OR2T12: variants seen among roughly 807,000 people sequenced by gnomAD.
OR2T12 encodes the protein olfactory receptor family 2 subfamily T member 12, also known as olfactory receptor 2T12.
For synonymous variants in OR2T12, 127 were observed against 160.5 expected, an observed-to-expected ratio of 0.79 and a Z score of 1.58; for missense variants, 335 against 404.3, an observed-to-expected ratio of 0.83 and a Z score of 1.47.
chr1:248,301,756 T>A (rs752050179), intron 1 of OR2T12, among the ~76,000 whole-genome samples: 1 of 152,154 alleles, frequency 6.6e-6, no homozygotes, highest in Non-Finnish European at 1.5e-5. Context: ...TGTAAAAAGA[T>A]GGTGCATACG....
rs1256613156 is a variant in OR2T12, at chr1:248,293,114, A to G, written c.*1502T>C. 6.6e-6 allele frequency: 1 copy of G among 152,148 alleles called. No individual in the cohort carries two copies. The highest frequency in any genetic ancestry group is 1.9e-4 in the East Asian group (1 of 5,192). The allele number at this position is 152,148 out of a possible 1,614,324, so 9.4% of individuals were successfully genotyped here. On this transcript the variant is annotated 3_prime_UTR_variant, in exon 3 of 3. Transcript: ENST00000641276. ...TCTCCTGTCATCCTCAAGTCTTCCA[A>G]GGAGACAAGAGTTTACTGAATAGCC...
chr1:248,295,771 T>C (rs1659716453), intron 2 of OR2T12, among the ~76,000 whole-genome samples, 185 bp from the exon 3 acceptor site: 1 of 152,138 alleles, frequency 6.6e-6, no homozygotes, highest in South Asian at 2.1e-4. Flanking sequence ...TAGCTCAACT[T>C]TTTAATGTTC....
chr1:248,298,430 A>C (rs1200007480), intron 2 of OR2T12, among the ~76,000 whole-genome samples: 4 of 152,112 alleles, frequency 2.6e-5, no homozygotes, highest in East Asian at 1.9e-4. Context: ...GGAATGGTAC[A>C]AGTTCCTCCT....
At chr1:248,302,228 A>T (rs1186460092) in intron 1 of OR2T12, among the ~76,000 whole-genome samples, 1 of 152,130 alleles carries the variant, frequency 6.6e-6, no homozygotes, top group Non-Finnish European at 1.5e-5. Flanking sequence ...TTTATTTGTA[A>T]TAATAAAATG....
intron 1 of OR2T12, 131 bp downstream of exon 1, chr1:248,303,215 G>T (rs902419037): frequency 6.6e-6 from 1 of 152,108 alleles, no homozygotes; most frequent in East Asian, 1.9e-4. Flanking sequence ...ATATTGTACA[G>T]ATAAAATAGA....
intron 2 of OR2T12, among the ~76,000 whole-genome samples, chr1:248,298,385 T>G (rs1348579640): frequency 2.0e-5 from 3 of 152,200 alleles, no homozygotes; most frequent in African/African-American, 7.2e-5. Context: ...TAGGGAGGAT[T>G]CCCTCTTTTT....
intron 2 of OR2T12, among the ~76,000 whole-genome samples, chr1:248,299,127 C>A (rs1031003358): frequency 6.6e-6 from 1 of 152,162 alleles, no homozygotes; most frequent in Admixed American, 6.5e-5. Flanking sequence ...ACTGCATCAA[C>A]TAACGAGCAA....
rs574717988 is a variant in OR2T12, at chr1:248,290,183, G to T, written c.*4433C>A. ...GTATTCTCATTGTTCATGAACAGAG[G>T]CCTCATAAACAGAAAAGAGGCCTCA... On this transcript the variant is annotated 3_prime_UTR_variant, in exon 3 of 3. Transcript: ENST00000641276. 10 of 152,008 alleles carry T rather than the reference G, an allele frequency of 6.6e-5. 1 individual carries two copies. Among genetic ancestry groups the T allele is most frequent in the Admixed American group, 6.6e-4 (10 of 15,234 alleles). The allele number at this position is 152,008 out of a possible 1,614,324, so 9.4% of individuals were successfully genotyped here. A position where few individuals can be genotyped will look rare whatever the true frequency, so the allele number is the denominator to read the frequency against.
chr1:248,295,890 C>CA (rs1330080468), intron 2 of OR2T12, among the ~76,000 whole-genome samples: 1 of 151,848 alleles, frequency 6.6e-6, no homozygotes, highest in African/African-American at 2.4e-5. Context: ...TTTTAGGGTA[C>CA]ATGTGCACAA....
At position 248,300,854 on chromosome 1, in the gene OR2T12, T is replaced by A. The variant is rs141907909; in HGVS notation, c.-9+519A>T. 9.7e-4 allele frequency among the ~76,000 whole-genome samples: 147 copies of A among 152,220 alleles called. 3 individuals are homozygous for A. In the East Asian group the frequency reaches 0.025, roughly 26 times the overall value. ...GCTTCTTTTTCAGTTGGCAAAGTGT[T>A]CTTTACATTTGGGAAACACTACTTC... On this transcript the variant is annotated intron_variant, in intron 2 of 2. Transcript: ENST00000641276.
intron 2 of OR2T12, among the ~76,000 whole-genome samples, chr1:248,296,806 C>A (rs1168162115): frequency 6.6e-6 from 1 of 152,014 alleles, no homozygotes; most frequent in African/African-American, 2.4e-5. Context: ...TTGTGGGTTG[C>A]CTGTCACTCT....
Position 248,295,541 on chromosome 1 carries a change from A to C in OR2T12, c.38T>G (p.Leu13Arg), listed in dbSNP as rs1659711489. The C allele has an allele frequency of 3.1e-6, 5 of 1,606,024 alleles. No individual in the cohort carries two copies. The highest frequency in any genetic ancestry group is 1.7e-4 in the Middle Eastern group (1 of 6,018). ...MRNTTPDFIL[L>R]GLFNHTRAHQ... is the part of the protein sequence containing the mutation. ...GGCTCTGGTGTGGTTAAAGAGTCCT[A>C]GGAGAATAAAATCTGGGGTAGTATT... Residue 13 changes from leucine to arginine, a missense_variant, in exon 3 of 3, where the codon CTA (leucine) becomes CGA (arginine). Leu to Arg is a moderately radical substitution (Grantham distance 102, BLOSUM62 -2). Coordinates refer to ENST00000641276, the MANE Select transcript of OR2T12 (RefSeq NM_001004692.2).
At chr1:248,300,184 A>T (rs1659795064) in intron 2 of OR2T12, among the ~76,000 whole-genome samples, 1 of 152,208 alleles carries the variant, frequency 6.6e-6, no homozygotes, top group South Asian at 2.1e-4. Flanking sequence ...CAAAGCAAAC[A>T]GATAGTTCCT....
Position 248,294,801 on chromosome 1 carries a change from G to A in OR2T12, c.778C>T (p.Pro260Ser), listed in dbSNP as rs914252411. 6.2e-7 allele frequency: 1 copy of A among 1,613,798 alleles called. No homozygotes were observed. The highest frequency in any genetic ancestry group is 8.5e-7 in the Non-Finnish European group (1 of 1,179,874). Residue 260 changes from proline (P) to serine (S), a missense_variant, in exon 3 of 3, where the codon CCC becomes TCC. Coordinates refer to ENST00000641276, the MANE Select transcript of OR2T12 (RefSeq NM_001004692.2). ...YGAGIFTYMR[P>S]KSHRSTNHDK... Reference sequence around the variant, plus strand: ...TGGTTAGTGGACCTGTGGGATTTGGGTCTCATATAGGTAAAAATGCCAGCT... The same window carrying A: ...TGGTTAGTGGACCTGTGGGATTTGGATCTCATATAGGTAAAAATGCCAGCT...
chr1:248,298,283 G>C (rs1042846302), intron 2 of OR2T12, among the ~76,000 whole-genome samples: 2 of 152,140 alleles, frequency 1.3e-5, no homozygotes, highest in Admixed American at 1.3e-4. Flanking sequence ...TTGCATCAAT[G>C]TTCATCAAGG....
rs1441478560 is a variant in OR2T12 at position 248,290,743 on chromosome 1, T to A, written c.*3873A>T. On this transcript the variant is annotated 3_prime_UTR_variant, in exon 3 of 3. Coordinates refer to ENST00000641276, the MANE Select transcript of OR2T12 (RefSeq NM_001004692.2). ...GCGTCTGTTGTTTCCTGACTTTTTT[T>A]ACTTTATTTTATTATACTTTAAGTT... The A allele has an allele frequency of 6.6e-6, 1 of 152,060 alleles. No individual in the cohort carries two copies. Among genetic ancestry groups the A allele is most frequent in the Non-Finnish European group, 1.5e-5 (1 of 67,976 alleles). 9.4% of individuals were successfully genotyped at this position (152,060 alleles called of 1,614,324 possible).
intron 2 of OR2T12, among the ~76,000 whole-genome samples, chr1:248,299,213 A>G (rs1558278522): frequency 6.6e-6 from 1 of 152,210 alleles, no homozygotes; most frequent in Admixed American, 6.5e-5. Context: ...AATGGGCTAA[A>G]TGCTCCAATT....
At chr1:248,296,921 C>G (rs1345502926) in intron 2 of OR2T12, among the ~76,000 whole-genome samples, 1 of 152,156 alleles carries the variant, frequency 6.6e-6, no homozygotes, top group Non-Finnish European at 1.5e-5. Flanking sequence ...GACATGAAGT[C>G]CTTGCCCGTG....
In OR2T12 at chr1:248,294,839, C is replaced by T. The variant is rs145503864; in HGVS notation, c.740G>A (p.Gly247Glu). 4 of 1,612,988 alleles carry T rather than the reference C, an allele frequency of 2.5e-6. No individual in the cohort carries two copies. Among genetic ancestry groups the T allele is most frequent in the Non-Finnish European group, 3.4e-6 (4 of 1,179,850 alleles). ...ATCSSHVAVV[G>E]LFYGAGIFTY... The stretch of plus-strand genomic sequence containing the variant: ...AAAAATGCCAGCTCCATAAAAGAGT[C>T]CCACCACAGCCACATGTGAAGAGCA... Residue 247 changes from glycine to glutamate, a missense_variant, in exon 3 of 3, where the codon GGA (glycine) becomes GAA (glutamate). Physicochemically the swap from Gly to Glu is moderately conservative, Grantham distance 98. Transcript: ENST00000641276.
Sources: allele counts gnomAD v4.1 joint callset (sites outside exome capture counted in the v4.1 genomes callset), GRCh38; gene constraint gnomAD v4.1.1; transcripts MANE v1.5; gene names NCBI Gene and HGNC (gene_info 2026-07-23, HGNC 2026-07-21).